Variants in FILIP1 observed in about 807,000 individuals in gnomAD.
FILIP1 encodes the protein filamin-A-interacting protein 1.
Under a neutral mutation model 102.1 loss-of-function variants are expected in FILIP1, and 61 were observed. That is an observed-to-expected ratio of 0.60 (90% CI 0.49 to 0.74). The LOEUF is 0.74. FILIP1 is among the 30% of genes least tolerant of loss of function. The probability of loss-of-function intolerance (pLI) is 0.00; values close to 1 mark genes in which losing one functional copy is unlikely to be tolerated. For missense variants in FILIP1, 1,314 were observed against 1,441.2 expected (o/e 0.91, Z 1.43); for synonymous variants, 491 against 526.9 (o/e 0.93, Z 0.93).
chr6:75,464,214 C>G lies in FILIP1; in HGVS notation c.-7+29200G>C, dbSNP rs1779104565. On this transcript the variant is annotated intron_variant, in intron 1 of 5. Coordinates refer to ENST00000237172, the MANE Select transcript of FILIP1 (RefSeq NM_015687.5). ...AGTACTTACATTTTATTATTTCCTTCTTTTAAATTAACATCAAGATTTTCT... is the reference window on the plus strand; with the variant it reads ...AGTACTTACATTTTATTATTTCCTTGTTTTAAATTAACATCAAGATTTTCT... Among the ~76,000 whole-genome samples the G allele has an allele frequency of 5.9e-5, 9 of 152,104 alleles. No individual in the cohort carries two copies. The South Asian group carries it at 1.9e-3, about 32-fold the overall frequency.
intron 2 of FILIP1, among the ~76,000 whole-genome samples, chr6:75,373,618 A>C (rs1361450909): frequency 1.3e-5 from 2 of 151,216 alleles, no homozygotes; most frequent in Admixed American, 6.6e-5. Context: ...AATTTAAAAA[A>C]ATTTAAGTAT....
At chr6:75,432,110 A>T (rs1325945978) in intron 1 of FILIP1, among the ~76,000 whole-genome samples, 1 of 152,194 alleles carries the variant, frequency 6.6e-6, no homozygotes, top group Non-Finnish European at 1.5e-5. Flanking sequence ...TTACCAAAAT[A>T]GTTCCATTGT....
At chr6:75,341,799 C>T (rs1243090851) in intron 4 of FILIP1, among the ~76,000 whole-genome samples, 4 of 152,158 alleles carry the variant, frequency 2.6e-5, no homozygotes, top group Non-Finnish European at 4.4e-5. Context: ...CAGCTACCCT[C>T]AAACAATAGA....
rs768883198 is a variant in FILIP1 at position 75,313,101 on chromosome 6, G to A, written c.2731C>T (p.His911Tyr). ...TCGTGGTCTGGTGTCACTCGAATAT[G>A]CAGGGGCTGGCCCTGCTTTGGTGAA... The part of the protein sequence containing the change: ...VLSPKQGQPL[H>Y]IRVTPDHENS... Residue 911 changes from histidine (H) to tyrosine (Y), a missense_variant, in exon 5 of 6, where the codon CAT becomes TAT. Coordinates refer to ENST00000237172, the MANE Select transcript of FILIP1 (RefSeq NM_015687.5). This position sits in a 1 kb window ranked among gnomAD's most constrained non-coding sequence, Gnocchi z 4.2. The A allele has an allele frequency of 4.3e-6, 7 of 1,614,194 alleles. No homozygotes were observed. The South Asian group carries it at 6.6e-5, about 15-fold the overall frequency.
At position 75,314,230 on chromosome 6, in the gene FILIP1, CT is replaced by C; in HGVS notation, c.1601del (p.Lys534ArgfsTer10). The stretch of plus-strand genomic sequence containing the variant: ...CATCCATAACTTTTCCTTGTTCCAC[CT>C]TAAAATTTTTATTGAGTCCATCCAC... ...RKVDGLNKNFKVEQGKVMDVT... is the reference protein window; with the variant it reads ...RKVDGLNKNFXVEQGKVMDVT... On this transcript the variant is annotated frameshift_variant, in exon 5 of 6. Transcript: ENST00000237172. LOFTEE classifies it high-confidence loss of function. The C allele has an allele frequency of 1.3e-6, 2 of 1,559,090 alleles. No individual in the cohort carries two copies. Among genetic ancestry groups the C allele is most frequent in the Non-Finnish European group, 8.6e-7 (1 of 1,163,600 alleles).
chr6:75,300,432 A>G (rs1772808394), intron 6 of FILIP1, among the ~76,000 whole-genome samples: 1 of 152,144 alleles, frequency 6.6e-6, no homozygotes, highest in South Asian at 2.1e-4. Context: ...TCCCCCGACC[A>G]AGTACCAAAT....
intron 1 of FILIP1, among the ~76,000 whole-genome samples, chr6:75,452,792 G>C (rs1405844677): frequency 6.6e-6 from 1 of 152,148 alleles, no homozygotes; most frequent in African/African-American, 2.4e-5. Flanking sequence ...AATTGTGTAT[G>C]ATTTATTTTC....
chr6:75,393,905 A>T (rs1021391981), intron 2 of FILIP1, among the ~76,000 whole-genome samples: 4 of 152,190 alleles, frequency 2.6e-5, no homozygotes, highest in Non-Finnish European at 4.4e-5. Flanking sequence ...ATGTTGCTCC[A>T]GTAGTAGCAG....
intron 1 of FILIP1, among the ~76,000 whole-genome samples, chr6:75,419,361 A>G (rs571814589): frequency 6.6e-6 from 1 of 152,276 alleles, no homozygotes; most frequent in East Asian, 1.9e-4. Flanking sequence ...CATCTTTGCT[A>G]TGCTTCTCAG....
chr6:75,395,405 G>T (rs1344749701), intron 2 of FILIP1, among the ~76,000 whole-genome samples: 1 of 151,964 alleles, frequency 6.6e-6, no homozygotes, highest in Non-Finnish European at 1.5e-5. Flanking sequence ...TCAGCCTCCT[G>T]AGTAACTGGG....
chr6:75,417,581 A>G lies in FILIP1; in HGVS notation c.-6-2603T>C, dbSNP rs77308796. Among the ~76,000 whole-genome samples the G allele has an allele frequency of 7.2e-3, 1,095 of 152,288 alleles. 36 individuals carry two copies. In the East Asian group the frequency reaches 0.11, roughly 15 times the overall value. On this transcript the variant is annotated intron_variant, in intron 1 of 5. Transcript: ENST00000237172. ...TGACATTTATACTCTTCATATTTTTAATAGCTCTCACTTACTGCTTCTTAA... is the reference window on the plus strand; with the variant it reads ...TGACATTTATACTCTTCATATTTTTGATAGCTCTCACTTACTGCTTCTTAA...
At chr6:75,473,447 T>A (rs191410810) in intron 1 of FILIP1, among the ~76,000 whole-genome samples, 7 of 152,282 alleles carry the variant, frequency 4.6e-5, no homozygotes, top group Admixed American at 1.3e-4. Context: ...GTTATACAGA[T>A]GAATATCCTT....
At chr6:75,340,691 G>C (rs1420249618) in intron 4 of FILIP1, among the ~76,000 whole-genome samples, 1 of 151,502 alleles carries the variant, frequency 6.6e-6, no homozygotes, top group Non-Finnish European at 1.5e-5. Flanking sequence ...TTTGCTTATG[G>C]GTTTTCGTTT....
intron 2 of FILIP1, among the ~76,000 whole-genome samples, chr6:75,403,718 TA>T (rs1776740269): frequency 6.6e-6 from 1 of 152,148 alleles, no homozygotes; most frequent in African/African-American, 2.4e-5. Flanking sequence ...TAAGTAGCTC[TA>T]AAGATGAGAT....
At chr6:75,312,375 C>G in intron 5 of FILIP1, 22 bp downstream of exon 5, 11 of 1,602,426 alleles carry the variant, frequency 6.9e-6, no homozygotes, top group Non-Finnish European at 8.5e-6. Context: ...CAGGCCTGCG[C>G]TTTGGAGCCT....
At chr6:75,442,646 C>A (rs922846821) in intron 1 of FILIP1, among the ~76,000 whole-genome samples, 5 of 149,692 alleles carry the variant, frequency 3.3e-5, no homozygotes, top group Non-Finnish European at 7.4e-5. Flanking sequence ...CGCAGGCACT[C>A]GGCAGGCTGA....
chr6:75,298,473 C>G lies in FILIP1; in HGVS notation c.3494-2523G>C, dbSNP rs562812970. On this transcript the variant is annotated intron_variant, in intron 6 of 6. Coordinates refer to the FILIP1 transcript ENST00000393004. The stretch of plus-strand genomic sequence containing the variant: ...ATTTCTAGAGATAGTGAGATAAAAT[C>G]TGTATGATACTGGCTCTATTAATTG... Among the ~76,000 whole-genome samples, 6 of 152,182 alleles carry G rather than the reference C, an allele frequency of 3.9e-5. No individual in the cohort carries two copies. The South Asian group carries it at 8.3e-4, about 21-fold the overall frequency.
At chr6:75,400,190 G>A (rs1478913312) in intron 2 of FILIP1, among the ~76,000 whole-genome samples, 1 of 152,124 alleles carries the variant, frequency 6.6e-6, no homozygotes, top group African/African-American at 2.4e-5. Context: ...ACTCTTGGTC[G>A]CTATGCTGAA....
chr6:75,470,945 G>A (rs1779307688), intron 1 of FILIP1, among the ~76,000 whole-genome samples: 1 of 152,014 alleles, frequency 6.6e-6, no homozygotes, highest in Non-Finnish European at 1.5e-5. Flanking sequence ...CAGATTGCTT[G>A]AGCCCAGGAG....
Sources: allele counts gnomAD v4.1 joint callset (sites outside exome capture counted in the v4.1 genomes callset), GRCh38; gene constraint gnomAD v4.1.1; non-coding constraint Gnocchi (gnomAD v3.1); transcripts MANE v1.5; gene names NCBI Gene and HGNC (gene_info 2026-07-23, HGNC 2026-07-21).